DCC: variants seen among roughly 807,000 people sequenced by gnomAD.
The protein encoded by DCC is netrin receptor DCC.
A neutral mutation model predicts 172.5 loss-of-function variants in DCC; 58 were observed. The observed-to-expected ratio is 0.34, with a 90% CI of 0.27 to 0.42. The LOEUF is 0.42. DCC is among the 10% of genes least tolerant of loss of function. DCC has a pLI of 1.00. For synonymous variants in DCC, 709 were observed against 644.5 expected (o/e 1.10, Z -1.52); for missense variants, 1,740 against 1,791.0 (o/e 0.97, Z 0.51).
intron 17 of DCC, among the ~76,000 whole-genome samples, chr18:53,397,046 T>G (rs1908995224): frequency 6.6e-6 from 1 of 151,494 alleles, no homozygotes; most frequent in Admixed American, 6.6e-5. Context: ...TTTCAACATA[T>G]CTTACCTCGG....
chr18:53,425,413 G>A (rs1279776344), intron 21 of DCC, among the ~76,000 whole-genome samples: 1 of 144,888 alleles, frequency 6.9e-6, no homozygotes, highest in Non-Finnish European at 1.5e-5. Flanking sequence ...GGGCTGGAGT[G>A]CAGTGGCATG....
At chr18:53,137,222 A>G (rs1201372288) in intron 7 of DCC, among the ~76,000 whole-genome samples, 1 of 152,256 alleles carries the variant, frequency 6.6e-6, no homozygotes, top group Non-Finnish European at 1.5e-5. Flanking sequence ...AGGTCTCCCC[A>G]GGCTCCAATC....
chr18:53,393,922 C>CT (rs72364865), intron 17 of DCC, among the ~76,000 whole-genome samples: 1 of 130,864 alleles, frequency 7.6e-6, no homozygotes, highest in Non-Finnish European at 1.6e-5. Context: ...TCCCTCTCTC[C>CT]CTCCCTCCCT....
At chr18:52,856,270 T>C (rs887849597) in intron 2 of DCC, among the ~76,000 whole-genome samples, 2 of 152,114 alleles carry the variant, frequency 1.3e-5, no homozygotes, top group Non-Finnish European at 2.9e-5. Context: ...ATTCTATTTA[T>C]GAAGATGTCT....
chr18:52,821,480 T>C (rs1469413904), intron 2 of DCC, among the ~76,000 whole-genome samples: 2 of 152,248 alleles, frequency 1.3e-5, no homozygotes, highest in Admixed American at 6.5e-5. Flanking sequence ...AAAACTTTTT[T>C]GAAAGAGTGT....
intron 2 of DCC, among the ~76,000 whole-genome samples, chr18:52,802,425 G>A (rs1050962523): frequency 6.6e-6 from 1 of 151,322 alleles, no homozygotes; most frequent in Non-Finnish European, 1.5e-5. Flanking sequence ...AACAGGGTTA[G>A]CCATGCCAAC....
intron 7 of DCC, among the ~76,000 whole-genome samples, chr18:53,103,063 A>T (rs1467975772): frequency 6.6e-6 from 1 of 152,128 alleles, no homozygotes; most frequent in Non-Finnish European, 1.5e-5. Context: ...TTATACGTTC[A>T]TACATTTACC....
chr18:52,416,802 A>T (rs1987048491), intron 1 of DCC, among the ~76,000 whole-genome samples: 1 of 152,048 alleles, frequency 6.6e-6, no homozygotes, highest in Non-Finnish European at 1.5e-5. Flanking sequence ...AATACAGCAC[A>T]CGATGGGTCT....
intron 1 of DCC, among the ~76,000 whole-genome samples, chr18:52,623,094 T>C (rs1462940172): frequency 6.6e-6 from 1 of 152,192 alleles, no homozygotes; most frequent in African/African-American, 2.4e-5. Context: ...AAAGTTTTAT[T>C]GGCACACAGT....
At chr18:53,164,467 AATGACTTATGAAGTATAAC>A (rs1221775600) in intron 8 of DCC, among the ~76,000 whole-genome samples, 1 of 152,178 alleles carries the variant, frequency 6.6e-6, no homozygotes, top group Non-Finnish European at 1.5e-5. Context: ...TTGTAACTAA[AATGACTTATGAAGTATAAC>A]ACAGTATAGC....
chr18:53,507,247 G>GAAAT (rs1298037754), intron 27 of DCC, among the ~76,000 whole-genome samples: 1 of 152,182 alleles, frequency 6.6e-6, no homozygotes, highest in Non-Finnish European at 1.5e-5. Context: ...GGGAAATGTT[G>GAAAT]AAATAAAGTG....
chr18:52,523,361 T>G (rs1145263), intron 1 of DCC, among the ~76,000 whole-genome samples: 140,238 of 152,182 alleles, frequency 0.92, 64,762 homozygotes, highest in East Asian at 0.99. Flanking sequence ...TACCATGTTG[T>G]CAAACTTAGA....
intron 1 of DCC, among the ~76,000 whole-genome samples, chr18:52,650,172 T>A (rs1045099999): frequency 2.0e-5 from 3 of 151,916 alleles, no homozygotes; most frequent in Admixed American, 2.0e-4. Flanking sequence ...AGAGATGGGG[T>A]TTCTCCATGT....
chr18:53,495,841 C>T lies in DCC; in HGVS notation c.3899-3457C>T, dbSNP rs2046015790. Among the ~76,000 whole-genome samples the T allele has an allele frequency of 2.6e-5, 4 of 152,166 alleles. No individual in the cohort carries two copies. In the South Asian group the frequency reaches 8.3e-4, roughly 32 times the overall value. ...TTTTCACTCTTTTTGCTCTAATCCT[C>T]TCACTTTATTTCATTAAGTTGATTT... On this transcript the variant is annotated intron_variant, in intron 26 of 28. Transcript: ENST00000442544.
At chr18:52,452,861 T>C (rs541059938) in intron 1 of DCC, among the ~76,000 whole-genome samples, 1 of 152,224 alleles carries the variant, frequency 6.6e-6, no homozygotes, top group Non-Finnish European at 1.5e-5. Flanking sequence ...GACACACTTA[T>C]AAAACGTTAG....
intron 7 of DCC, among the ~76,000 whole-genome samples, chr18:53,090,457 G>T (rs533671458): frequency 1.3e-5 from 2 of 151,734 alleles, no homozygotes; most frequent in Admixed American, 1.3e-4. Context: ...ACTTTGGGAG[G>T]CCGAGGCGGG....
In DCC at chr18:53,533,146, T is replaced by C. The variant is rs2046540415; in HGVS notation, c.*2493T>C. 6.6e-6 allele frequency: 1 copy of C among 152,176 alleles called. No individual in the cohort carries two copies. Among genetic ancestry groups the C allele is most frequent in the African/African-American group, 2.4e-5 (1 of 41,448 alleles). The allele number at this position is 152,176 out of a possible 1,614,324, so 9.4% of individuals were successfully genotyped here. ...CAACTTTTGTATAACTCTGTTCCCTTTACCCTCAAATGATTCATATATGTA... is the reference window on the plus strand; with the variant it reads ...CAACTTTTGTATAACTCTGTTCCCTCTACCCTCAAATGATTCATATATGTA... On this transcript the variant is annotated 3_prime_UTR_variant, in exon 29 of 29. Transcript: ENST00000442544.
At chr18:52,596,180 G>C (rs1310839595) in intron 1 of DCC, among the ~76,000 whole-genome samples, 1 of 152,118 alleles carries the variant, frequency 6.6e-6, no homozygotes, top group Non-Finnish European at 1.5e-5. Flanking sequence ...ACCTAATAGC[G>C]ACCTCCTTTC....
At chr18:52,990,751 G>T (rs975354038) in intron 5 of DCC, among the ~76,000 whole-genome samples, 1 of 152,006 alleles carries the variant, frequency 6.6e-6, no homozygotes, top group African/African-American at 2.4e-5. Flanking sequence ...GTGTTAAATT[G>T]TGTAAAAGAA....
Sources: allele counts gnomAD v4.1 joint callset (sites outside exome capture counted in the v4.1 genomes callset), GRCh38; gene constraint gnomAD v4.1.1; transcripts MANE v1.5; gene names NCBI Gene and HGNC (gene_info 2026-07-23, HGNC 2026-07-21).